The following GARNL3 variants were observed in gnomAD, a reference collection of about 807,000 sequenced individuals.
GARNL3 encodes the protein GTPase activating Rap/RanGAP domain like 3, also known as GTPase-activating Rap/Ran-GAP domain-like protein 3.
GARNL3 carries 63 observed loss-of-function variants against 125.0 expected under a neutral mutation model. That is an observed-to-expected ratio of 0.50 (90% CI 0.41 to 0.62). The LOEUF is 0.62. Among genes scored for constraint, GARNL3 ranks in the 20% least tolerant of loss-of-function variants. The pLI, the probability that GARNL3 is intolerant of heterozygous loss-of-function variation, is 0.00. For synonymous variants in GARNL3, 439 were observed against 457.5 expected, an observed-to-expected ratio of 0.96 and a Z score of 0.52; for missense variants, 994 against 1,244.0, an observed-to-expected ratio of 0.80 and a Z score of 3.02.
intron 26 of GARNL3, 132 bp from the exon 27 acceptor site, chr9:127,390,509 A>G: frequency 1.2e-6 from 1 of 807,584 alleles, no homozygotes; most frequent in South Asian, 1.8e-5. Flanking sequence ...TTGAAAATAT[A>G]TATTCTATCA....
At chr9:127,248,066 A>G (rs894107562) in intron 2 of GARNL3, among the ~76,000 whole-genome samples, 29 of 152,210 alleles carry the variant, frequency 1.9e-4, no homozygotes, top group Admixed American at 1.8e-3. Context: ...AGCCTTCAGA[A>G]GCTTTGAAAT....
At chr9:127,382,801 T>A (rs533875444) in intron 22 of GARNL3, among the ~76,000 whole-genome samples, 23 of 152,192 alleles carry the variant, frequency 1.5e-4, no homozygotes, top group African/African-American at 5.3e-4. Flanking sequence ...CTGGTTGAGG[T>A]TCACCAAGAG....
At position 127,280,405 on chromosome 9, in the gene GARNL3, G is replaced by A. The variant is rs1332515772; in HGVS notation, c.145-10763G>A. ...GGCTACCTCAAAATGCAGTGTCCAT[G>A]CAGTAAAAAGATGATTCCTAGTGTT... On this transcript the variant is annotated intron_variant, in intron 1 of 27. Coordinates refer to ENST00000373387, the MANE Select transcript of GARNL3 (RefSeq NM_032293.5). The surrounding 1 kb of genome is among the most constrained non-coding windows in gnomAD (Gnocchi z 4.5). Among the ~76,000 whole-genome samples the A allele has an allele frequency of 6.6e-6, 1 of 152,204 alleles. No individual in the cohort carries two copies. The highest frequency in any genetic ancestry group is 1.9e-4 in the East Asian group (1 of 5,192).
At chr9:127,245,351 G>A (rs1212957755) in intron 2 of GARNL3, 1 of 152,566 alleles carries the variant, frequency 6.6e-6, no homozygotes, top group Admixed American at 6.5e-5. Context: ...GGCGGCCGGA[G>A]GGATGGCAAA....
At chr9:127,345,568 A>G (rs944970974) in intron 16 of GARNL3, 91 bp downstream of exon 16, 12 of 844,642 alleles carry the variant, frequency 1.4e-5, no homozygotes, top group Middle Eastern at 2.3e-4. Context: ...TTGAGAGCAG[A>G]AGGAAGAAGA....
intron 21 of GARNL3, among the ~76,000 whole-genome samples, chr9:127,360,214 G>T (rs761534809): frequency 6.6e-6 from 1 of 152,048 alleles, no homozygotes; most frequent in Non-Finnish European, 1.5e-5. Context: ...GTAGAGACAG[G>T]GTTTCACCAT....
At chr9:127,303,629 A>T (rs1185541319) in intron 2 of GARNL3, among the ~76,000 whole-genome samples, 1 of 152,242 alleles carries the variant, frequency 6.6e-6, no homozygotes, top group African/African-American at 2.4e-5. Flanking sequence ...GCGTAACTGC[A>T]TTCATTCATG....
chr9:127,246,913 A>C (rs2063314128), intron 2 of GARNL3, among the ~76,000 whole-genome samples: 1 of 150,206 alleles, frequency 6.7e-6, no homozygotes, highest in African/African-American at 2.4e-5. Context: ...GACCTTGAGA[A>C]AGGAGTTGAC....
intron 2 of GARNL3, among the ~76,000 whole-genome samples, chr9:127,295,585 C>T (rs964141335): frequency 6.6e-6 from 1 of 152,160 alleles, no homozygotes; most frequent in Non-Finnish European, 1.5e-5. Flanking sequence ...ATTTCAGAAG[C>T]CAGTCACAAG....
At chr9:127,378,727 T>G (rs908352944) in intron 22 of GARNL3, among the ~76,000 whole-genome samples, 7 of 152,194 alleles carry the variant, frequency 4.6e-5, no homozygotes, top group Admixed American at 1.3e-4. Flanking sequence ...CACATTAAAA[T>G]TTTTAAGAGT....
rs149715367 is a variant in GARNL3, at chr9:127,366,380, A to T, written c.2161+1014A>T. On this transcript the variant is annotated intron_variant, in intron 22 of 27. Transcript: ENST00000373387. ...CCCTCCTCAGAACAGCAGGTCTTTA[A>T]TGGCCCATGTGATGAGAAGGGCCCC... Among the ~76,000 whole-genome samples, 1,345 of 152,316 alleles carry T rather than the reference A, an allele frequency of 8.8e-3. 9 individuals are homozygous for T. Among genetic ancestry groups the T allele is most frequent in the Non-Finnish European group, 0.015 (987 of 68,036 alleles).
intron 25 of GARNL3, 78 bp from the exon 26 acceptor site, chr9:127,388,826 G>A (rs1832682859): frequency 1.1e-6 from 1 of 897,666 alleles, no homozygotes; most frequent in Admixed American, 1.8e-5. Context: ...GCTATGTTAA[G>A]GAACAAGAAA....
intron 2 of GARNL3, among the ~76,000 whole-genome samples, chr9:127,302,479 A>G (rs951731911): frequency 9.2e-5 from 14 of 152,212 alleles, no homozygotes; most frequent in African/African-American, 3.4e-4. Context: ...TGGCCATTAG[A>G]ATGAGGTAGA....
At chr9:127,312,805 C>T (rs1267044290) in intron 3 of GARNL3, among the ~76,000 whole-genome samples, 1 of 152,130 alleles carries the variant, frequency 6.6e-6, no homozygotes, top group Non-Finnish European at 1.5e-5. Context: ...AGGAAATCAG[C>T]AGGAAAACCG....
chr9:127,253,275 G>C (rs2131215821), intron 2 of GARNL3, among the ~76,000 whole-genome samples: 1 of 151,708 alleles, frequency 6.6e-6, no homozygotes, highest in East Asian at 1.9e-4. Flanking sequence ...TTTACAGAAG[G>C]AAAAAAAACA....
chr9:127,300,381 C>T (rs2064746523), intron 2 of GARNL3: 4 of 337,454 alleles, frequency 1.2e-5, no homozygotes, highest in South Asian at 1.0e-4. Flanking sequence ...TATTTGACCC[C>T]TTTCACCTCT....
chr9:127,229,110 A>G (rs1564833963), intron 1 of GARNL3, among the ~76,000 whole-genome samples: 1 of 152,134 alleles, frequency 6.6e-6, no homozygotes, highest in Non-Finnish European at 1.5e-5. Context: ...AGGTGTGAGT[A>G]ACTGTGCCTG....
At chr9:127,323,264 A>G (rs1165157013) in intron 6 of GARNL3, among the ~76,000 whole-genome samples, 1 of 152,242 alleles carries the variant, frequency 6.6e-6, no homozygotes, top group South Asian at 2.1e-4. Context: ...CAAATTCAGG[A>G]ACAAGAATAT....
At chr9:127,334,354 C>G (rs2131580345) in intron 9 of GARNL3, among the ~76,000 whole-genome samples, 1 of 152,268 alleles carries the variant, frequency 6.6e-6, no homozygotes, top group Non-Finnish European at 1.5e-5. Flanking sequence ...GCCCTTTTGG[C>G]CTAATAGTGA....
Sources: allele counts gnomAD v4.1 joint callset (sites outside exome capture counted in the v4.1 genomes callset), GRCh38; gene constraint gnomAD v4.1.1; non-coding constraint Gnocchi (gnomAD v3.1); transcripts MANE v1.5; gene names NCBI Gene and HGNC (gene_info 2026-07-23, HGNC 2026-07-21).